The following KANSL2 variants were observed in gnomAD, a reference collection of about 807,000 sequenced individuals.
The protein encoded by KANSL2 is KAT8 regulatory NSL complex subunit 2, also known as NSL complex protein NSL2.
In KANSL2, 34 loss-of-function variants were observed where a neutral mutation model predicts 55.6. The observed-to-expected ratio is 0.61, with a 90% confidence interval of 0.46 to 0.81. The LOEUF is 0.81. Ranked by LOEUF, KANSL2 falls within the 40% of genes least tolerant of loss-of-function variation. The pLI is 0.00. For missense variants in KANSL2, 502 were observed against 609.9 expected (o/e 0.82, Z 1.86); for synonymous variants, 209 against 214.3 (o/e 0.98, Z 0.22).
Position 48,672,409 on chromosome 12 carries a change from G to GTATATATA in KANSL2, c.546-455_546-448dup, listed in dbSNP as rs10622680. ...TATATACATGTATATATATATATAC[G>GTATATATA]TATATATATATATATATATATATAT... On this transcript the variant is annotated intron_variant, in intron 4 of 9. Transcript: ENST00000420613. Among the ~76,000 whole-genome samples, 46 of 123,378 alleles carry GTATATATA rather than the reference G, an allele frequency of 3.7e-4. 1 individual carries two copies. The East Asian group carries it at 8.5e-3, about 23-fold the overall frequency. The allele number at this position is 123,378 out of a possible 152,430, so 80.9% of individuals were successfully genotyped here. A position where few individuals can be genotyped will look rare whatever the true frequency, so the allele number is the denominator to read the frequency against.
At chr12:48,654,666 G>T (rs762538457) in intron 9 of KANSL2, 121 of 519,440 alleles carry the variant, frequency 2.3e-4, no homozygotes, top group Non-Finnish European at 3.7e-4. Context: ...TTAAATAAAT[G>T]TATGTCCTAC....
Position 48,681,373 on chromosome 12 carries a change from C to A in KANSL2, c.251+9G>T. On this transcript the variant is annotated intron_variant, in intron 2 of 9. Coordinates refer to ENST00000420613, the MANE Select transcript of KANSL2 (RefSeq NM_017822.4). ...AAGAAAAACGACATATATATCTATA[C>A]ATATATACCCATCTTTCTTCTCTGG... 6.2e-7 allele frequency: 1 copy of A among 1,607,700 alleles called. No individual in the cohort carries two copies. Among genetic ancestry groups the A allele is most frequent in the Non-Finnish European group, 8.5e-7 (1 of 1,176,698 alleles).
rs772467037 is a variant in KANSL2 at position 48,682,181 on chromosome 12, T to A, written c.-10+6A>T. 1.4e-6 allele frequency: 1 copy of A among 693,328 alleles called. No homozygotes were observed. Among genetic ancestry groups the A allele is most frequent in the Non-Finnish European group, 2.6e-6 (1 of 379,710 alleles). 42.9% of individuals were successfully genotyped at this position (693,328 alleles called of 1,614,324 possible). A position where few individuals can be genotyped will look rare whatever the true frequency, so the allele number is the denominator to read the frequency against. ...GAGCTTAGAGGAAAGAGCACCGCCA[T>A]CTTACCTCAGGAGCTGCGCTGCGCC... On this transcript the variant is annotated splice_donor_region_variant and intron_variant, in intron 1 of 9. Transcript: ENST00000420613.
In KANSL2 at chr12:48,653,925, C is replaced by G; in HGVS notation, c.*119G>C. The G allele has an allele frequency of 8.9e-7, 1 of 1,122,884 alleles. No individual in the cohort carries two copies. Among genetic ancestry groups the G allele is most frequent in the Non-Finnish European group, 1.2e-6 (1 of 812,642 alleles). The allele number at this position is 1,122,884 out of a possible 1,614,324, so 69.6% of individuals were successfully genotyped here. A position where few individuals can be genotyped will look rare whatever the true frequency, so the allele number is the denominator to read the frequency against. On this transcript the variant is annotated 3_prime_UTR_variant, in exon 10 of 10. Coordinates refer to ENST00000420613, the MANE Select transcript of KANSL2 (RefSeq NM_017822.4). Reference sequence around the variant, plus strand: ...TGGCTTTACGTTTGACTATAATACTCAATCCAGAAGAAAAACAAGGTAGTC... The same window carrying G: ...TGGCTTTACGTTTGACTATAATACTGAATCCAGAAGAAAAACAAGGTAGTC...
At chr12:48,676,736 TTAAG>T (rs1190857830) in intron 4 of KANSL2, among the ~76,000 whole-genome samples, 1 of 152,104 alleles carries the variant, frequency 6.6e-6, no homozygotes, top group Non-Finnish European at 1.5e-5. Flanking sequence ...AACAAAACAA[TTAAG>T]TAAGTGGTTA....
chr12:48,663,117 C>CT (rs1163107446), intron 7 of KANSL2, among the ~76,000 whole-genome samples: 2 of 152,120 alleles, frequency 1.3e-5, no homozygotes, highest in Non-Finnish European at 2.9e-5. Context: ...ATTAATTTAT[C>CT]TACCTATTCT....
chr12:48,664,510 C>T (rs1223889365), intron 7 of KANSL2, among the ~76,000 whole-genome samples: 1 of 151,208 alleles, frequency 6.6e-6, no homozygotes, highest in African/African-American at 2.4e-5. Context: ...GACCTCCTGA[C>T]CTCGTGATCT....
Position 48,679,695 on chromosome 12 carries a change from C to A in KANSL2, c.390G>T (p.Gln130His). The A allele has an allele frequency of 6.2e-7, 1 of 1,613,668 alleles. No individual in the cohort carries two copies. The highest frequency in any genetic ancestry group is 8.5e-7 in the Non-Finnish European group (1 of 1,179,792). The change falls in exon 3 of 10, where the codon CAG becomes CAT. Residue 130 changes from glutamine to histidine, a missense_variant. Physicochemically the swap from Gln to His is conservative, Grantham distance 24. Transcript: ENST00000420613. Reference sequence around the variant, plus strand: ...CTTCACTGCGACTACTTTCTGGAGTCTGAGACCCCAGCTCTGTCTTAGCAT... The same window carrying A: ...CTTCACTGCGACTACTTTCTGGAGTATGAGACCCCAGCTCTGTCTTAGCAT... ...SSYAKTELGS[Q>H]TPESSRSEAS...
At chr12:48,680,848 C>T (rs115821974) in intron 2 of KANSL2, among the ~76,000 whole-genome samples, 2,693 of 151,982 alleles carry the variant, frequency 0.018, 86 homozygotes, top group African/African-American at 0.062. Context: ...CATAGTGGCG[C>T]ACGCCTTAAG....
chr12:48,659,215 A>G (rs1353167286), intron 8 of KANSL2, among the ~76,000 whole-genome samples: 1 of 152,088 alleles, frequency 6.6e-6, no homozygotes, highest in Non-Finnish European at 1.5e-5. Flanking sequence ...AATCACTTGA[A>G]CCCTGAAGGC....
At chr12:48,659,810 G>A (rs768818891) in intron 8 of KANSL2, among the ~76,000 whole-genome samples, 23 of 152,096 alleles carry the variant, frequency 1.5e-4, no homozygotes, top group Non-Finnish European at 3.1e-4. Flanking sequence ...TATTAATTCA[G>A]TCACAAAAAG....
intron 7 of KANSL2, among the ~76,000 whole-genome samples, chr12:48,666,396 A>T (rs1402735558): frequency 5.9e-4 from 87 of 147,298 alleles, no homozygotes; most frequent in African/African-American, 2.1e-3. Context: ...ACAAAAAATA[A>T]AAAAAAAAAA....
At chr12:48,681,959 T>A in intron 1 of KANSL2, 1 of 702,886 alleles carries the variant, frequency 1.4e-6, no homozygotes, top group Non-Finnish European at 2.6e-6. Context: ...ACGCCGCCTT[T>A]GTCCCGGCCT....
chr12:48,655,181 T>C (rs1366989128), intron 8 of KANSL2, 121 bp from the exon 9 acceptor site: 31 of 863,382 alleles, frequency 3.6e-5, no homozygotes, highest in East Asian at 3.1e-5. Context: ...CTACCTTTAA[T>C]AAAAAAAAAA....
At chr12:48,672,752 T>C (rs1322442035) in intron 4 of KANSL2, among the ~76,000 whole-genome samples, 2 of 151,478 alleles carry the variant, frequency 1.3e-5, no homozygotes, top group African/African-American at 4.9e-5. Flanking sequence ...GCACTAAAGA[T>C]ACCAACATCA....
chr12:48,674,195 A>T (rs1318529296), intron 4 of KANSL2, among the ~76,000 whole-genome samples: 1 of 152,184 alleles, frequency 6.6e-6, no homozygotes, highest in Non-Finnish European at 1.5e-5. Flanking sequence ...GGCTGCACTG[A>T]AGTGGCACAA....
chr12:48,661,853 G>C (rs1227981765), intron 7 of KANSL2, among the ~76,000 whole-genome samples: 1 of 152,106 alleles, frequency 6.6e-6, no homozygotes, highest in Non-Finnish European at 1.5e-5. Context: ...CTCCATCTGA[G>C]TTGTAACAAC....
chr12:48,670,869 A>G (rs1422621679), intron 5 of KANSL2, among the ~76,000 whole-genome samples: 1 of 152,176 alleles, frequency 6.6e-6, no homozygotes, highest in African/African-American at 2.4e-5. Flanking sequence ...CAGGAGGCTG[A>G]GGCAGGATAG....
intron 6 of KANSL2, among the ~76,000 whole-genome samples, chr12:48,668,738 A>C (rs995293158): frequency 6.6e-6 from 1 of 152,102 alleles, no homozygotes; most frequent in African/African-American, 2.4e-5. Flanking sequence ...AATTACTCTA[A>C]CTTTGTAAAT....
Sources: gnomAD v4.1 joint callset for allele counts (sites outside exome capture counted in the v4.1 genomes callset) on GRCh38, gnomAD v4.1.1 for gene constraint, MANE v1.5 for transcripts, NCBI Gene and HGNC (gene_info 2026-07-23, HGNC 2026-07-21) for gene names.